Variants in VEPH1 observed in about 807,000 individuals in gnomAD.
VEPH1 encodes the protein ventricular zone-expressed PH domain-containing protein homolog 1.
Under a neutral mutation model 85.2 loss-of-function variants are expected in VEPH1, and 80 were observed. The ratio of observed to expected loss-of-function variants is 0.94; its 90% CI spans 0.78 to 1.13. VEPH1 has a LOEUF of 1.13. VEPH1 is among the 50% of genes most tolerant of loss of function. VEPH1 has a pLI of 0.00. For missense variants in VEPH1, 955 were observed against 980.5 expected, an observed-to-expected ratio of 0.97 and a Z score of 0.35; for synonymous variants, 297 against 348.0, an observed-to-expected ratio of 0.85 and a Z score of 1.63.
intron 2 of VEPH1, among the ~76,000 whole-genome samples, chr3:157,486,958 A>T (rs1738713864): frequency 6.6e-6 from 1 of 152,138 alleles, no homozygotes; most frequent in African/African-American, 2.4e-5. Context: ...AAAACTAAGA[A>T]AATATTTAGA....
chr3:157,476,185 A>G (rs1409411883), intron 2 of VEPH1, among the ~76,000 whole-genome samples: 1 of 152,188 alleles, frequency 6.6e-6, no homozygotes, highest in South Asian at 2.1e-4. Context: ...TCTACCAGCA[A>G]CAGAGGCCCC....
intron 9 of VEPH1, among the ~76,000 whole-genome samples, chr3:157,337,509 T>C (rs1467601583): frequency 1.3e-5 from 2 of 152,170 alleles, no homozygotes; most frequent in Non-Finnish European, 1.5e-5. Context: ...CTCCATAAGG[T>C]CAAAATATTT....
chr3:157,286,466 G>A (rs1374585611), intron 12 of VEPH1, 91 bp downstream of exon 12: 9 of 963,214 alleles, frequency 9.3e-6, no homozygotes, highest in Non-Finnish European at 1.5e-5. Flanking sequence ...GGATGTTTAT[G>A]CAAGAGGAAG....
intron 4 of VEPH1, among the ~76,000 whole-genome samples, chr3:157,459,148 T>C (rs745972775): frequency 1.3e-5 from 2 of 152,328 alleles, no homozygotes; most frequent in Non-Finnish European, 2.9e-5. Context: ...CTTCCAGTGG[T>C]TCAGCACAAA....
At chr3:157,344,784 G>A (rs926185392) in intron 9 of VEPH1, among the ~76,000 whole-genome samples, 6 of 152,078 alleles carry the variant, frequency 3.9e-5, no homozygotes, top group African/African-American at 1.2e-4. Context: ...AATACTACAC[G>A]GCTACAATAA....
intron 9 of VEPH1, among the ~76,000 whole-genome samples, chr3:157,350,949 G>A (rs1577410571): frequency 6.6e-6 from 1 of 152,284 alleles, no homozygotes; most frequent in South Asian, 2.1e-4. Context: ...CCAGTATAGA[G>A]AACAGTATGG....
At chr3:157,484,346 C>T (rs1738425225) in intron 2 of VEPH1, among the ~76,000 whole-genome samples, 1 of 152,108 alleles carries the variant, frequency 6.6e-6, no homozygotes, top group South Asian at 2.1e-4. Flanking sequence ...GGCTGGAGTA[C>T]AGTGGCTCCT....
At chr3:157,467,994 A>C (rs1253968523) in intron 3 of VEPH1, among the ~76,000 whole-genome samples, 1 of 152,248 alleles carries the variant, frequency 6.6e-6, no homozygotes, top group Non-Finnish European at 1.5e-5. Flanking sequence ...TTTACTCAGA[A>C]TAAAACATCC....
intron 2 of VEPH1, among the ~76,000 whole-genome samples, chr3:157,492,582 G>C (rs1739316092): frequency 6.6e-6 from 1 of 152,122 alleles, no homozygotes; most frequent in Non-Finnish European, 1.5e-5. Flanking sequence ...TCTTCAAAAG[G>C]TTTAAAGTTT....
intron 6 of VEPH1, among the ~76,000 whole-genome samples, chr3:157,390,357 T>C (rs559052368): frequency 6.6e-6 from 1 of 152,290 alleles, no homozygotes; most frequent in East Asian, 1.9e-4. Flanking sequence ...TTTAAGAAAG[T>C]CAAAGGAGGA....
intron 9 of VEPH1, among the ~76,000 whole-genome samples, chr3:157,361,252 T>C (rs1726019457): frequency 6.6e-6 from 1 of 152,238 alleles, no homozygotes; most frequent in Non-Finnish European, 1.5e-5. Context: ...AAAATGGCTT[T>C]AAAAGTCTTA....
intron 6 of VEPH1, among the ~76,000 whole-genome samples, chr3:157,407,484 C>T (rs1246165371): frequency 3.3e-5 from 5 of 152,096 alleles, no homozygotes; most frequent in African/African-American, 4.8e-5. Context: ...CATTCCACCC[C>T]GAGGAATAAA....
intron 12 of VEPH1, among the ~76,000 whole-genome samples, chr3:157,267,077 CT>C (rs1713749970): frequency 6.8e-6 from 1 of 146,066 alleles, no homozygotes; most frequent in African/African-American, 2.5e-5. Flanking sequence ...GTTTTCTTTT[CT>C]TTTCTTTTCT....
At chr3:157,381,591 T>A (rs561547891) in intron 6 of VEPH1, 1 of 545,096 alleles carries the variant, frequency 1.8e-6, no homozygotes, top group South Asian at 2.1e-5. Flanking sequence ...CAGTGGCACA[T>A]GCCTGTAATC....
At chr3:157,287,223 A>C (rs961795292) in intron 11 of VEPH1, among the ~76,000 whole-genome samples, 3 of 151,860 alleles carry the variant, frequency 2.0e-5, no homozygotes, top group African/African-American at 4.8e-5. Flanking sequence ...AAATACAAAA[A>C]CATTAGCCAG....
At chr3:157,364,265 A>T in intron 8 of VEPH1, 38 bp downstream of exon 8, 2 of 1,467,910 alleles carry the variant, frequency 1.4e-6, no homozygotes, top group Non-Finnish European at 1.9e-6. Flanking sequence ...AGCGAACATG[A>T]AGTGTATGAT....
At chr3:157,295,893 T>A (rs540108878) in intron 11 of VEPH1, among the ~76,000 whole-genome samples, 204 of 152,198 alleles carry the variant, frequency 1.3e-3, no homozygotes, top group African/African-American at 4.7e-3. Context: ...AGGCAGACGT[T>A]GCAGTGAGCC....
chr3:157,303,486 T>C (rs1719068758), intron 11 of VEPH1, among the ~76,000 whole-genome samples: 1 of 152,206 alleles, frequency 6.6e-6, no homozygotes, highest in Non-Finnish European at 1.5e-5. Context: ...TTATTTTGTC[T>C]CCTCCGTGTT....
At chr3:157,383,611 T>A (rs771858181) in intron 6 of VEPH1, among the ~76,000 whole-genome samples, 25 of 152,200 alleles carry the variant, frequency 1.6e-4, no homozygotes, top group Non-Finnish European at 2.9e-4. Flanking sequence ...ACATATCTCT[T>A]GGGGTAAATG....
Sources: gnomAD v4.1 joint callset for allele counts (sites outside exome capture counted in the v4.1 genomes callset) on GRCh38, gnomAD v4.1.1 for gene constraint, MANE v1.5 for transcripts, NCBI Gene and HGNC (gene_info 2026-07-23, HGNC 2026-07-21) for gene names.